Variants in NBEA observed in about 807,000 individuals in gnomAD.
NBEA encodes the protein neurobeachin, also known as lysosomal-trafficking regulator 2.
Under a neutral mutation model 343.4 loss-of-function variants are expected in NBEA, and 44 were observed. The ratio of observed to expected loss-of-function variants is 0.13; its 90% confidence interval spans 0.10 to 0.16. The LOEUF (loss-of-function observed/expected upper bound fraction) is 0.16, where lower values mean the gene tolerates loss of function less well. Among genes scored for constraint, NBEA ranks in the 10% least tolerant of loss-of-function variants. The pLI is 1.00. For synonymous variants in NBEA, 1,175 were observed against 1,238.7 expected (o/e 0.95, Z 1.08); for missense variants, 2,555 against 3,631.3 (o/e 0.70, Z 7.62).
chr13:35,322,389 T>C (rs1397077316), intron 36 of NBEA, among the ~76,000 whole-genome samples: 1 of 152,186 alleles, frequency 6.6e-6, no homozygotes, highest in Non-Finnish European at 1.5e-5. Flanking sequence ...GGTGAGGCGA[T>C]GCCCCACCCT....
At chr13:35,096,847 A>C (rs929694464) in intron 10 of NBEA, among the ~76,000 whole-genome samples, 16 of 151,948 alleles carry the variant, frequency 1.1e-4, no homozygotes, top group African/African-American at 3.4e-4. Flanking sequence ...GTGCTTCTTT[A>C]CAGAAACATT....
At chr13:35,531,427 T>C (rs2078257971) in intron 41 of NBEA, among the ~76,000 whole-genome samples, 1 of 152,218 alleles carries the variant, frequency 6.6e-6, no homozygotes, top group African/African-American at 2.4e-5. Flanking sequence ...GTGTTGCTGT[T>C]AGCTATATTT....
At chr13:35,637,803 C>A (rs151118925) in intron 49 of NBEA, among the ~76,000 whole-genome samples, 3,115 of 148,420 alleles carry the variant, frequency 0.021, 115 homozygotes, top group African/African-American at 0.073. Context: ...GCCTGGGTTA[C>A]AGAGCAAGAC....
At chr13:35,527,953 T>C (rs1007384429) in intron 41 of NBEA, among the ~76,000 whole-genome samples, 2 of 152,180 alleles carry the variant, frequency 1.3e-5, no homozygotes, top group African/African-American at 2.4e-5. Flanking sequence ...GCTGAGATCA[T>C]GCCATTGCTC....
At chr13:35,527,741 G>T (rs1295076067) in intron 41 of NBEA, among the ~76,000 whole-genome samples, 2 of 152,328 alleles carry the variant, frequency 1.3e-5, no homozygotes, top group African/African-American at 4.8e-5. Context: ...GGGCCCCTGA[G>T]AACATAGGGA....
At chr13:35,045,254 TA>T in intron 3 of NBEA, 51 bp from the exon 4 acceptor site, 1 of 1,455,870 alleles carries the variant, frequency 6.9e-7, no homozygotes, top group Non-Finnish European at 9.5e-7. Context: ...GTATATTAAG[TA>T]TGATTGCTAA....
At chr13:35,649,499 G>C (rs1260122635) in intron 51 of NBEA, among the ~76,000 whole-genome samples, 156 bp from the exon 52 acceptor site, 2 of 152,094 alleles carry the variant, frequency 1.3e-5, no homozygotes, top group African/African-American at 4.8e-5. Context: ...TGCTCGATTT[G>C]GGGCAGACAT....
At chr13:35,288,323 C>T (rs1317310002) in intron 34 of NBEA, among the ~76,000 whole-genome samples, 1 of 151,744 alleles carries the variant, frequency 6.6e-6, no homozygotes, top group East Asian at 1.9e-4. Flanking sequence ...TTCAAATTTG[C>T]CTCTGCTTGT....
chr13:35,411,887 C>G (rs73502759), intron 38 of NBEA, among the ~76,000 whole-genome samples: 6,947 of 152,048 alleles, frequency 0.046, 198 homozygotes, highest in African/African-American at 0.063. Context: ...TTCTTTAATT[C>G]TTCCCATGTT....
chr13:35,451,262 C>T (rs780089216), intron 39 of NBEA, among the ~76,000 whole-genome samples: 14 of 152,038 alleles, frequency 9.2e-5, no homozygotes, highest in Non-Finnish European at 1.5e-4. Flanking sequence ...TAGCTGGGAC[C>T]ACAGGCTTTT....
At chr13:35,240,814 TA>T (rs1447179897) in intron 34 of NBEA, among the ~76,000 whole-genome samples, 1 of 151,764 alleles carries the variant, frequency 6.6e-6, no homozygotes, top group Non-Finnish European at 1.5e-5. Context: ...AAACATGGAG[TA>T]CTCCTGGGAT....
chr13:35,368,649 C>G (rs914569439), intron 38 of NBEA, among the ~76,000 whole-genome samples: 1 of 151,508 alleles, frequency 6.6e-6, no homozygotes, highest in Non-Finnish European at 1.5e-5. Context: ...AATCTATACT[C>G]CAGATATTTT....
At chr13:35,538,718 G>C (rs1341374992) in intron 41 of NBEA, among the ~76,000 whole-genome samples, 1 of 152,210 alleles carries the variant, frequency 6.6e-6, no homozygotes, top group Non-Finnish European at 1.5e-5. Flanking sequence ...TTATGACTGT[G>C]ACCTGTCACG....
rs1445348597 is a variant in NBEA at position 35,475,425 on chromosome 13, C to A, written c.6585+2889C>A. On this transcript the variant is annotated intron_variant, in intron 41 of 58. Coordinates refer to ENST00000379939, the MANE Select transcript of NBEA (RefSeq NM_001385012.1). ...TGCAGCCCCCCATCTGCAGTCTGTT[C>A]TCTGCCTCCGCGAACTGCAGCACCC... is the stretch of plus-strand genomic sequence containing the variant. 2 of 1,613,454 alleles carry A rather than the reference C, an allele frequency of 1.2e-6. No individual in the cohort carries two copies. Among genetic ancestry groups the A allele is most frequent in the African/African-American group, 1.3e-5 (1 of 74,774 alleles).
chr13:35,390,547 G>C (rs2042452374), intron 38 of NBEA, among the ~76,000 whole-genome samples: 1 of 152,174 alleles, frequency 6.6e-6, no homozygotes, highest in South Asian at 2.1e-4. Flanking sequence ...TGTCAGAGGT[G>C]TCAGGGCTAG....
chr13:35,308,472 A>ATATGTGTATATATATG (rs1566597095), intron 35 of NBEA, among the ~76,000 whole-genome samples: 12 of 98,440 alleles, frequency 1.2e-4, no homozygotes, highest in South Asian at 6.5e-4. Flanking sequence ...ATATATATAT[A>ATATGTGTATATATATG]TGTATATATA....
intron 10 of NBEA, among the ~76,000 whole-genome samples, chr13:35,087,654 A>G (rs1433837618): frequency 1.3e-5 from 2 of 151,976 alleles, no homozygotes; most frequent in African/African-American, 4.8e-5. Flanking sequence ...TCAGAACTGT[A>G]AAAGAAGTCA....
At chr13:35,657,908 T>C (rs1195421220) in intron 55 of NBEA, among the ~76,000 whole-genome samples, 1 of 152,128 alleles carries the variant, frequency 6.6e-6, no homozygotes, top group African/African-American at 2.4e-5. Context: ...TTTTATATAA[T>C]ATACTGCTAG....
intron 1 of NBEA, among the ~76,000 whole-genome samples, chr13:34,984,296 T>A (rs2060469498): frequency 6.6e-6 from 1 of 152,184 alleles, no homozygotes; most frequent in African/African-American, 2.4e-5. Context: ...GTTTATTAAA[T>A]AGGGAATCCT....
Sources: allele counts gnomAD v4.1 joint callset (sites outside exome capture counted in the v4.1 genomes callset), GRCh38; gene constraint gnomAD v4.1.1; transcripts MANE v1.5; gene names NCBI Gene and HGNC (gene_info 2026-07-23, HGNC 2026-07-21).